The following TBC1D5 variants were observed in gnomAD, a reference collection of about 807,000 sequenced individuals.
TBC1D5 encodes TBC1 domain family, member 5.
TBC1D5 carries 75 observed loss-of-function variants against 100.3 expected under a neutral mutation model. That is an observed-to-expected ratio of 0.75 (90% CI 0.62 to 0.91). TBC1D5 has a LOEUF of 0.91. Ranked by LOEUF, TBC1D5 falls within the 40% of genes least tolerant of loss-of-function variation. The pLI, the probability that TBC1D5 is intolerant of heterozygous loss-of-function variation, is 0.00. For synonymous variants in TBC1D5, 323 were observed against 325.6 expected (o/e 0.99, Z 0.09); for missense variants, 910 against 942.4 (o/e 0.97, Z 0.45).
intron 4 of TBC1D5, among the ~76,000 whole-genome samples, chr3:17,411,299 T>G (rs2093918154): frequency 6.6e-6 from 1 of 152,134 alleles, no homozygotes; most frequent in African/African-American, 2.4e-5. Flanking sequence ...TATAGTGTAA[T>G]CATAACTTTT....
rs1427956490 is a variant in TBC1D5, at chr3:17,378,681, C to A, written c.613-2068G>T. 4.0e-5 allele frequency among the ~76,000 whole-genome samples: 6 copies of A among 151,354 alleles called. No individual in the cohort carries two copies. The South Asian group carries it at 1.0e-3, about 26-fold the overall frequency. ...CTGACATTATACACTTTAGTCAATA[C>A]AATAAATCATTCTTCATGGTTTCTA... On this transcript the variant is annotated intron_variant, in intron 9 of 21. Transcript: ENST00000253692.
intron 2 of TBC1D5, among the ~76,000 whole-genome samples, chr3:17,559,684 G>C (rs1344931785): frequency 6.6e-6 from 1 of 151,668 alleles, no homozygotes; most frequent in African/African-American, 2.4e-5. Flanking sequence ...CCACGTCCTG[G>C]GTTCAAGCGA....
intron 4 of TBC1D5, among the ~76,000 whole-genome samples, chr3:17,414,925 A>G (rs750887942): frequency 1.3e-5 from 2 of 152,184 alleles, no homozygotes; most frequent in African/African-American, 2.4e-5. Context: ...GTATTTTTTC[A>G]TATGTCTAGG....
chr3:17,343,136 G>A (rs1018910417), intron 13 of TBC1D5, among the ~76,000 whole-genome samples: 8 of 152,086 alleles, frequency 5.3e-5, no homozygotes, highest in African/African-American at 9.7e-5. Context: ...TTGGAGATAC[G>A]TCCCATCAAT....
At chr3:17,414,476 A>G (rs2094013313) in intron 4 of TBC1D5, among the ~76,000 whole-genome samples, 1 of 152,250 alleles carries the variant, frequency 6.6e-6, no homozygotes. Context: ...ATTACATTTA[A>G]GAGTATATAC....
intron 2 of TBC1D5, among the ~76,000 whole-genome samples, chr3:17,533,207 C>A (rs923494033): frequency 3.9e-5 from 6 of 151,940 alleles, no homozygotes; most frequent in Admixed American, 1.3e-4. Context: ...AATCTATTTC[C>A]CCATACAATT....
intron 13 of TBC1D5, among the ~76,000 whole-genome samples, chr3:17,311,700 T>A (rs1030825192): frequency 3.3e-5 from 5 of 152,094 alleles, no homozygotes; most frequent in Non-Finnish European, 7.4e-5. Context: ...TTCATTTCCG[T>A]ATTCTTTTCC....
In TBC1D5 at chr3:17,446,052, T is replaced by C. The variant is rs557364516; in HGVS notation, c.98-17533A>G. 2.8e-3 allele frequency among the ~76,000 whole-genome samples: 429 copies of C among 152,294 alleles called. 1 individual carries two copies. Among genetic ancestry groups the C allele is most frequent in the South Asian group, 7.3e-3 (35 of 4,826 alleles). Reference sequence around the variant, plus strand: ...TTTGGGTCTTAGTCATTGCTTAAAATAATACAGAGTTCAAAATGAAATGGC... The same window carrying C: ...TTTGGGTCTTAGTCATTGCTTAAAACAATACAGAGTTCAAAATGAAATGGC... On this transcript the variant is annotated intron_variant, in intron 3 of 21. Coordinates refer to ENST00000253692, the Ensembl canonical transcript of TBC1D5.
At position 17,233,637 on chromosome 3, in the gene TBC1D5, T is replaced by A. The variant is rs181535487; in HGVS notation, c.1588+4526A>T. 1.2e-4 allele frequency: 142 copies of A among 1,139,934 alleles called. No individual in the cohort carries two copies. The African/African-American group carries it at 2.2e-3, about 17-fold the overall frequency. The allele number at this position is 1,139,934 out of a possible 1,614,324, so 70.6% of individuals were successfully genotyped here. ...GGAGTTTTGGAGTAGGCAATGATAATACTGTAGGCAAAGAAAAAGAAACAC... is the reference window on the plus strand; with the variant it reads ...GGAGTTTTGGAGTAGGCAATGATAAAACTGTAGGCAAAGAAAAAGAAACAC... On this transcript the variant is annotated intron_variant, in intron 17 of 21. Coordinates refer to ENST00000253692, the Ensembl canonical transcript of TBC1D5.
At chr3:17,485,388 G>C (rs1480377821) in intron 3 of TBC1D5, among the ~76,000 whole-genome samples, 14 of 150,986 alleles carry the variant, frequency 9.3e-5, no homozygotes. Context: ...CAATGTGCAG[G>C]TTAGTTACAT....
Position 17,160,770 on chromosome 3 carries a change from C to T in TBC1D5, c.*193G>A, listed in dbSNP as rs1255007567. On this transcript the variant is annotated 3_prime_UTR_variant, in exon 22 of 22. Coordinates refer to ENST00000253692, the Ensembl canonical transcript of TBC1D5. ...CCCAGAAAGCCCTGTCTGCATGTGG[C>T]AAACCTAAGCCTCTGTGCTTTGTGG... 1.8e-5 allele frequency: 13 copies of T among 711,628 alleles called. No homozygotes were observed. The East Asian group carries it at 3.6e-4, about 20-fold the overall frequency. 44.1% of individuals were successfully genotyped at this position (711,628 alleles called of 1,614,324 possible).
chr3:17,241,746 C>T (rs903393461), intron 16 of TBC1D5, among the ~76,000 whole-genome samples: 2 of 152,144 alleles, frequency 1.3e-5, no homozygotes, highest in African/African-American at 4.8e-5. Flanking sequence ...CATTACTATA[C>T]AAAGTTAGCA....
intron 2 of TBC1D5, among the ~76,000 whole-genome samples, chr3:17,556,360 G>C (rs114016240): frequency 1.5e-3 from 222 of 152,118 alleles, no homozygotes; most frequent in African/African-American, 5.2e-3. Context: ...AATTTCTATT[G>C]GTTTAAAATT....
At chr3:17,165,581 G>C (rs1477138201) in intron 21 of TBC1D5, among the ~76,000 whole-genome samples, 2 of 152,190 alleles carry the variant, frequency 1.3e-5, no homozygotes, top group African/African-American at 4.8e-5. Context: ...TAACCATGGA[G>C]TCTCTCTTCT....
intron 15 of TBC1D5, among the ~76,000 whole-genome samples, chr3:17,262,056 T>G (rs945521230): frequency 5.9e-5 from 9 of 152,174 alleles, no homozygotes; most frequent in African/African-American, 2.2e-4. Flanking sequence ...TCATCTGTAT[T>G]GGAACAATTG....
intron 3 of TBC1D5, among the ~76,000 whole-genome samples, chr3:17,485,676 A>G (rs2095556305): frequency 6.6e-6 from 1 of 152,006 alleles, no homozygotes; most frequent in African/African-American, 2.4e-5. Flanking sequence ...TGAACTCATC[A>G]TTTTTTATGG....
At chr3:17,701,296 G>T (rs2073156457) in intron 1 of TBC1D5, among the ~76,000 whole-genome samples, 1 of 152,032 alleles carries the variant, frequency 6.6e-6, no homozygotes, top group Non-Finnish European at 1.5e-5. Context: ...TGGACATAAG[G>T]CGGGGAACAT....
chr3:17,329,363 T>C (rs954622701), intron 13 of TBC1D5, among the ~76,000 whole-genome samples: 3 of 152,198 alleles, frequency 2.0e-5, no homozygotes, highest in Non-Finnish European at 4.4e-5. Context: ...AAATAAGCTA[T>C]GTATGTATAT....
chr3:17,591,247 A>G (rs959362563), intron 2 of TBC1D5, among the ~76,000 whole-genome samples: 2 of 132,734 alleles, frequency 1.5e-5, no homozygotes, highest in Admixed American at 1.5e-4. Flanking sequence ...AAAAAAAAAA[A>G]AAAAAAAAAA....
Sources: allele counts gnomAD v4.1 joint callset (sites outside exome capture counted in the v4.1 genomes callset), GRCh38; gene constraint gnomAD v4.1.1; transcripts MANE v1.5; gene names NCBI Gene and HGNC (gene_info 2026-07-23, HGNC 2026-07-21).